Variants in SEC23IP observed in about 807,000 individuals in gnomAD.
The protein encoded by SEC23IP is SEC23-interacting protein.
A neutral mutation model predicts 113.4 loss-of-function variants in SEC23IP; 70 were observed. The ratio of observed to expected loss-of-function variants is 0.62; its 90% confidence interval spans 0.51 to 0.75. SEC23IP has a LOEUF of 0.75. Among genes scored for constraint, SEC23IP ranks in the 30% least tolerant of loss-of-function variants. SEC23IP has a pLI of 0.00. For missense variants in SEC23IP, 1,160 were observed against 1,204.9 expected (o/e 0.96, Z 0.55); for synonymous variants, 398 against 421.0 (o/e 0.95, Z 0.67).
At position 119,940,907 on chromosome 10, in the gene SEC23IP, C is replaced by T. The variant is rs759797215; in HGVS notation, c.*342C>T. On this transcript the variant is annotated 3_prime_UTR_variant, in exon 19 of 19. Transcript: ENST00000369075. ...TGAAGAAATATTTGTAGCATGTAAA[C>T]GGTTATTTCTGTTTCTTAAAAAGTA... is the stretch of plus-strand genomic sequence containing the variant. 5.9e-5 allele frequency: 9 copies of T among 152,122 alleles called. No homozygotes were observed. The highest frequency in any genetic ancestry group is 1.9e-4 in the East Asian group (1 of 5,200). 9.4% of individuals were successfully genotyped at this position (152,122 alleles called of 1,614,324 possible).
chr10:119,903,126 C>A, intron 3 of SEC23IP, 117 bp downstream of exon 3: 1 of 812,028 alleles, frequency 1.2e-6, no homozygotes, highest in Non-Finnish European at 1.9e-6. Context: ...AGACCCCAGA[C>A]TCTGTACCTT....
chr10:119,919,794 C>T (rs1306173621), intron 11 of SEC23IP, among the ~76,000 whole-genome samples, 198 bp downstream of exon 11: 1 of 151,908 alleles, frequency 6.6e-6, no homozygotes, highest in Non-Finnish European at 1.5e-5. Flanking sequence ...ATCCAGAAGC[C>T]ATCAAAGAAA....
chr10:119,894,924 G>C (rs1379445510), intron 1 of SEC23IP, among the ~76,000 whole-genome samples: 1 of 151,588 alleles, frequency 6.6e-6, no homozygotes, highest in Non-Finnish European at 1.5e-5. Context: ...GTGTGTGTGT[G>C]TGTGTGTGTG....
At chr10:119,908,246 C>G (rs578162571) in intron 4 of SEC23IP, among the ~76,000 whole-genome samples, 3 of 152,130 alleles carry the variant, frequency 2.0e-5, no homozygotes, top group East Asian at 1.9e-4. Flanking sequence ...TGATATTACT[C>G]CAGCCCACAT....
chr10:119,939,401 G>C (rs1297476500), intron 18 of SEC23IP, among the ~76,000 whole-genome samples: 3 of 152,092 alleles, frequency 2.0e-5, no homozygotes, highest in African/African-American at 7.2e-5. Flanking sequence ...TAATATTTTA[G>C]CTGGTCACGG....
At chr10:119,934,810 T>A (rs1444657971) in intron 18 of SEC23IP, among the ~76,000 whole-genome samples, 2 of 152,160 alleles carry the variant, frequency 1.3e-5, no homozygotes, top group East Asian at 3.9e-4. Context: ...TTGGCTCCAT[T>A]TCCAAAATTA....
At chr10:119,893,067 A>G in intron 1 of SEC23IP, 122 bp downstream of exon 1, 2 of 1,104,396 alleles carry the variant, frequency 1.8e-6, no homozygotes, top group Non-Finnish European at 2.6e-6. Context: ...TGCCAGGATC[A>G]TTACTGGCCA....
At chr10:119,911,782 T>C (rs1214666889) in intron 5 of SEC23IP, among the ~76,000 whole-genome samples, 3 of 152,126 alleles carry the variant, frequency 2.0e-5, no homozygotes, top group Non-Finnish European at 4.4e-5. Context: ...GCCTATGTTA[T>C]TAGCTTTTAA....
At chr10:119,936,692 A>T (rs552258881) in intron 18 of SEC23IP, among the ~76,000 whole-genome samples, 39 of 151,500 alleles carry the variant, frequency 2.6e-4, no homozygotes, top group Non-Finnish European at 5.5e-4. Context: ...TGATTAAAAA[A>T]TTTTTTTTTG....
chr10:119,924,330 A>G (rs970559599), intron 12 of SEC23IP, among the ~76,000 whole-genome samples: 1 of 152,100 alleles, frequency 6.6e-6, no homozygotes, highest in Non-Finnish European at 1.5e-5. Context: ...CTCCCACCCA[A>G]CTGTTTAAAT....
chr10:119,930,440 CA>C lies in SEC23IP; in HGVS notation c.2572+12del. Reference sequence around the variant, plus strand: ...AAAAAGACTTCATTTAGGTAAAAAGCAAATACTATAAAAACTTTTTTTCCTG... The same window carrying C: ...AAAAAGACTTCATTTAGGTAAAAAGCAATACTATAAAAACTTTTTTTCCTG... On this transcript the variant is annotated intron_variant, in intron 15 of 18. Transcript: ENST00000369075. 3.9e-6 allele frequency: 6 copies of C among 1,543,496 alleles called. No individual in the cohort carries two copies. The highest frequency in any genetic ancestry group is 5.3e-6 in the Non-Finnish European group (6 of 1,122,686).
At chr10:119,933,586 A>G (rs549929079) in intron 17 of SEC23IP, 100 bp from the exon 18 acceptor site, 5 of 673,226 alleles carry the variant, frequency 7.4e-6, no homozygotes, top group Admixed American at 5.1e-5. Flanking sequence ...CCCTTCTTAG[A>G]TAGAGTTGAA....
chr10:119,932,368 AT>A (rs780783796), intron 16 of SEC23IP, 50 bp downstream of exon 16: 1 of 1,393,708 alleles, frequency 7.2e-7, no homozygotes, highest in Non-Finnish European at 1.0e-6. Context: ...TCATATGAAC[AT>A]AATACTTAAA....
chr10:119,930,206 G>A (rs552124577), intron 14 of SEC23IP, 123 bp from the exon 15 acceptor site: 10 of 527,214 alleles, frequency 1.9e-5, no homozygotes, highest in African/African-American at 1.2e-4. Context: ...TTTGAATAAG[G>A]TGTGGAGAAA....
chr10:119,893,887 A>C (rs61870583), intron 1 of SEC23IP, among the ~76,000 whole-genome samples: 17,347 of 152,054 alleles, frequency 0.11, 1,067 homozygotes, highest in South Asian at 0.17. Context: ...CCCCACTCCT[A>C]TGTGCACTCC....
intron 12 of SEC23IP, among the ~76,000 whole-genome samples, chr10:119,925,437 T>A (rs1855388747): frequency 6.6e-6 from 1 of 152,262 alleles, no homozygotes; most frequent in African/African-American, 2.4e-5. Context: ...ATACTTTCTT[T>A]GCTTCTTAAT....
intron 17 of SEC23IP, 90 bp downstream of exon 17, chr10:119,933,257 T>C (rs1855664989): frequency 1.0e-6 from 1 of 992,792 alleles, no homozygotes; most frequent in South Asian, 1.5e-5. Flanking sequence ...CTTTTACTGA[T>C]ACAATGTACT....
intron 2 of SEC23IP, among the ~76,000 whole-genome samples, chr10:119,899,750 A>G (rs1054092608): frequency 6.6e-6 from 1 of 152,208 alleles, no homozygotes; most frequent in African/African-American, 2.4e-5. Flanking sequence ...TATTTTTGCT[A>G]ACTATAACAA....
chr10:119,898,029 A>C (rs1335795950), intron 1 of SEC23IP, among the ~76,000 whole-genome samples: 9 of 150,176 alleles, frequency 6.0e-5, no homozygotes, highest in Non-Finnish European at 8.9e-5. Context: ...AAAAAAAAAT[A>C]AATAAAAATA....
Sources: gnomAD v4.1 joint callset for allele counts (sites outside exome capture counted in the v4.1 genomes callset) on GRCh38, gnomAD v4.1.1 for gene constraint, MANE v1.5 for transcripts, NCBI Gene and HGNC (gene_info 2026-07-23, HGNC 2026-07-21) for gene names.